The following SPACA9 variants were observed in gnomAD, a reference collection of about 807,000 sequenced individuals.
SPACA9 encodes the protein sperm acrosome-associated protein 9.
In SPACA9, 14 loss-of-function variants were observed where a neutral mutation model predicts 12.5. The ratio of observed to expected loss-of-function variants is 1.12; its 90% CI spans 0.74 to 1.75. The LOEUF (loss-of-function observed/expected upper bound fraction) is 1.75, where lower values mean the gene tolerates loss of function less well. SPACA9 is among the 40% of genes most tolerant of loss of function. SPACA9 has a pLI of 0.00. For synonymous variants in SPACA9, 111 were observed against 114.1 expected, an observed-to-expected ratio of 0.97 and a Z score of 0.17; for missense variants, 292 against 291.9, an observed-to-expected ratio of 1.00 and a Z score of 0.00.
rs1350606789 is a variant in SPACA9 at position 132,887,079 on chromosome 9, G to T, written c.145-290G>T. Among the ~76,000 whole-genome samples the T allele has an allele frequency of 6.6e-6, 1 of 151,982 alleles. No homozygotes were observed. Among genetic ancestry groups the T allele is most frequent in the South Asian group, 2.1e-4 (1 of 4,826 alleles). The stretch of plus-strand genomic sequence containing the variant: ...CCCGCCCACCTCAGCCTCCCAAAGT[G>T]CGGGGATTACACGTGTGAGCCACTG... On this transcript the variant is annotated intron_variant, in intron 2 of 3. Transcript: ENST00000356311. This position sits in a 1 kb window ranked among gnomAD's most constrained non-coding sequence, Gnocchi z 5.4.
chr9:132,879,592 A>G (rs957124704), intron 1 of SPACA9, among the ~76,000 whole-genome samples: 12 of 152,222 alleles, frequency 7.9e-5, no homozygotes, highest in African/African-American at 2.9e-4. Flanking sequence ...CGTTCCAACA[A>G]TCCTGTGAAA....
rs143840260 is a variant in SPACA9, at chr9:132,889,403, C to T, written c.*792C>T. 171 of 985,306 alleles carry T rather than the reference C, an allele frequency of 1.7e-4. 2 individuals carry two copies. In the East Asian group the frequency reaches 0.016, roughly 90 times the overall value. The allele number at this position is 985,306 out of a possible 1,614,324, so 61.0% of individuals were successfully genotyped here. On this transcript the variant is annotated 3_prime_UTR_variant, in exon 4 of 4. Transcript: ENST00000356311. ...GTGGGGGTCGGCATGTGGAACTCAG[C>T]GTGTTTATTTTTTTATTTTTTGAGA...
chr9:132,889,152 C>G lies in SPACA9; in HGVS notation c.*541C>G. ...GAGGAAACCCACTTACAGAAGTTGC[C>G]CAAACAGGATGGTGTGGTAGAGGGT... On this transcript the variant is annotated 3_prime_UTR_variant, in exon 4 of 4. Transcript: ENST00000356311. 1 of 990,198 alleles carries G rather than the reference C, an allele frequency of 1.0e-6. No homozygotes were observed. Among genetic ancestry groups the G allele is most frequent in the South Asian group, 4.6e-5 (1 of 21,714 alleles). 61.3% of individuals were successfully genotyped at this position (990,198 alleles called of 1,614,324 possible).
chr9:132,886,596 T>C (rs1301314388), intron 2 of SPACA9, among the ~76,000 whole-genome samples: 1 of 152,204 alleles, frequency 6.6e-6, no homozygotes, highest in Non-Finnish European at 1.5e-5. Flanking sequence ...ACTAAGCCAC[T>C]GGTGCCCTGG....
chr9:132,878,638 C>T (rs1844271910), upstream of SPACA9: 1 of 1,036,142 alleles, frequency 9.7e-7, no homozygotes. This position sits in a 1 kb window ranked among gnomAD's most constrained non-coding sequence, Gnocchi z 4.7. Context: ...CTCCCTGTGC[C>T]TCAGTTTACC....
At chr9:132,879,679 T>G (rs77972624) in intron 1 of SPACA9, among the ~76,000 whole-genome samples, 473 of 152,338 alleles carry the variant, frequency 3.1e-3, no homozygotes, top group African/African-American at 0.011. Flanking sequence ...TGGGTAACTT[T>G]GGGTGAGTCA....
chr9:132,878,865 C>T, upstream of SPACA9: 1 of 811,106 alleles, frequency 1.2e-6, no homozygotes, highest in South Asian at 5.6e-5. This position sits in a 1 kb window ranked among gnomAD's most constrained non-coding sequence, Gnocchi z 4.7. Context: ...CGCCCGCGGC[C>T]CCGCCCCTTC....
Position 132,887,380 on chromosome 9 carries a change from C to T in SPACA9, c.156C>T (p.Tyr52=). Residue 52 remains tyrosine (Y), a synonymous_variant, in exon 3 of 4, where the codon TAC becomes TAT. Coordinates refer to ENST00000356311, the MANE Select transcript of SPACA9 (RefSeq NM_001316897.2). This position sits in a 1 kb window ranked among gnomAD's most constrained non-coding sequence, Gnocchi z 5.4. Reference sequence around the variant, plus strand: ...GGCGGCCCTTGCAGGTGCAGAGCTACATGGAACACTACTGCAACAGCTCCA... The same window carrying T: ...GGCGGCCCTTGCAGGTGCAGAGCTATATGGAACACTACTGCAACAGCTCCA... ...PISSIGQVQS[Y]MEHYCNSSTD... The T allele has an allele frequency of 6.2e-7, 1 of 1,612,158 alleles. No homozygotes were observed. Among genetic ancestry groups the T allele is most frequent in the Non-Finnish European group, 8.5e-7 (1 of 1,179,968 alleles).
intron 1 of SPACA9, among the ~76,000 whole-genome samples, chr9:132,881,839 G>A (rs558103967): frequency 9.9e-5 from 15 of 152,188 alleles, no homozygotes; most frequent in South Asian, 4.1e-4. Flanking sequence ...TTTTCATCTT[G>A]ATTGCCGAGT....
rs1313356783 is a variant in SPACA9 at position 132,889,061 on chromosome 9, C to T, written c.*450C>T. 3.0e-6 allele frequency: 3 copies of T among 996,488 alleles called. No individual in the cohort carries two copies. Among genetic ancestry groups the T allele is most frequent in the East Asian group, 1.1e-4 (1 of 9,358 alleles). The allele number at this position is 996,488 out of a possible 1,614,324, so 61.7% of individuals were successfully genotyped here. ...CTGGGATTACAGGCGTGAGCCACAG[C>T]GCCCGGCCCTCTTGCTTTAACTTCT... is the stretch of plus-strand genomic sequence containing the variant. On this transcript the variant is annotated 3_prime_UTR_variant, in exon 4 of 4. Coordinates refer to ENST00000356311, the MANE Select transcript of SPACA9 (RefSeq NM_001316897.2).
chr9:132,889,973 T>C lies in SPACA9; in HGVS notation c.*1362T>C. On this transcript the variant is annotated 3_prime_UTR_variant, in exon 4 of 4. Transcript: ENST00000356311. ...CCTTCACAGGGGACGACTTAGCTTC[T>C]GTATTATTGTTGCTTCCTCAGGGGG... The C allele has an allele frequency of 6.6e-7, 1 of 1,519,096 alleles. No individual in the cohort carries two copies. Among genetic ancestry groups the C allele is most frequent in the South Asian group, 1.3e-5 (1 of 75,816 alleles). The allele number at this position is 1,519,096 out of a possible 1,614,324, so 94.1% of individuals were successfully genotyped here.
rs1445749293 is a variant in SPACA9 at position 132,887,464 on chromosome 9, C to T, written c.240C>T (p.Cys80=). ...TCTGTTCAGAGCTGAATAAGCTCTG[C>T]CAGCACTTTGAGGCCGTGCACTCTG... The part of the protein sequence containing the change: ...LDICSELNKL[C]QHFEAVHSGT... The change falls in exon 3 of 4, where the codon TGC becomes TGT. Residue 80 remains cysteine, a synonymous_variant. Transcript: ENST00000356311. The surrounding 1 kb of genome is among the most constrained non-coding windows in gnomAD (Gnocchi z 5.4). 6.2e-7 allele frequency: 1 copy of T among 1,613,806 alleles called. No homozygotes were observed. The highest frequency in any genetic ancestry group is 8.5e-7 in the Non-Finnish European group (1 of 1,179,908).
chr9:132,886,697 T>C (rs73550686), intron 2 of SPACA9, among the ~76,000 whole-genome samples: 179 of 152,314 alleles, frequency 1.2e-3, no homozygotes, highest in African/African-American at 3.1e-3. Context: ...GCTCAGTGTG[T>C]AGGGTTTAGA....
chr9:132,888,308 G>A lies in SPACA9; in HGVS notation c.366G>A (p.Val122=), dbSNP rs1285702616. The A allele has an allele frequency of 1.2e-6, 2 of 1,612,068 alleles. No homozygotes were observed. Among genetic ancestry groups the A allele is most frequent in the Non-Finnish European group, 1.7e-6 (2 of 1,178,906 alleles). ...SLRAKYPHDV[V]NHLSCDEARN... is the part of the protein sequence containing the mutation. ...CCTGCAGATACCCTCATGATGTGGT[G>A]AACCACCTCAGCTGTGACGAGGCCC... The change falls in exon 4 of 4, where the codon GTG becomes GTA. Residue 122 remains valine (V), a synonymous_variant. Coordinates refer to ENST00000356311, the MANE Select transcript of SPACA9 (RefSeq NM_001316897.2). This position sits in a 1 kb window ranked among gnomAD's most constrained non-coding sequence, Gnocchi z 5.0.
At chr9:132,882,724 C>A (rs933249805) in intron 1 of SPACA9, among the ~76,000 whole-genome samples, 1 of 152,188 alleles carries the variant, frequency 6.6e-6, no homozygotes, top group African/African-American at 2.4e-5. Context: ...TCTCCAACAT[C>A]TCCCTTGGAC....
intron 1 of SPACA9, among the ~76,000 whole-genome samples, chr9:132,881,665 CTTT>C (rs79845257): frequency 6.9e-6 from 1 of 144,500 alleles, no homozygotes. Flanking sequence ...ACTCAAGATG[CTTT>C]TTTTTTTTTT....
At chr9:132,884,860 A>G (rs1299666196) in intron 2 of SPACA9, among the ~76,000 whole-genome samples, 1 of 152,254 alleles carries the variant, frequency 6.6e-6, no homozygotes, top group Non-Finnish European at 1.5e-5. Flanking sequence ...TCATGCCTGT[A>G]ATCCCAGCAC....
chr9:132,882,735 T>C (rs1473128850), intron 1 of SPACA9, among the ~76,000 whole-genome samples: 1 of 152,180 alleles, frequency 6.6e-6, no homozygotes, highest in Non-Finnish European at 1.5e-5. Context: ...TCCCTTGGAC[T>C]GGACCTGAGC....
upstream of SPACA9, chr9:132,878,356 C>G: frequency 5.6e-6 from 7 of 1,256,486 alleles, no homozygotes; most frequent in Non-Finnish European, 7.0e-6. This position sits in a 1 kb window ranked among gnomAD's most constrained non-coding sequence, Gnocchi z 4.7. Context: ...GCAGGCTCCG[C>G]GCCGGGCCCA....
Sources: allele counts gnomAD v4.1 joint callset (sites outside exome capture counted in the v4.1 genomes callset), GRCh38; gene constraint gnomAD v4.1.1; non-coding constraint Gnocchi (gnomAD v3.1); transcripts MANE v1.5; gene names NCBI Gene and HGNC (gene_info 2026-07-23, HGNC 2026-07-21).